SYNE1: variants seen among roughly 807,000 people sequenced by gnomAD.
SYNE1 encodes nesprin-1.
In SYNE1, 616 loss-of-function variants were observed where a neutral mutation model predicts 1,111.0. The observed-to-expected ratio is 0.55, with a 90% CI of 0.52 to 0.59. The LOEUF is 0.59. SYNE1 is among the 20% of genes least tolerant of loss of function. The pLI is 0.00. For missense variants in SYNE1, 10,006 were observed against 10,417.0 expected (o/e 0.96, Z 1.72); for synonymous variants, 3,855 against 3,825.8 (o/e 1.01, Z -0.28).
rs910942810 is a variant in SYNE1 at position 152,526,255 on chromosome 6, C to G, written c.130-80G>C. 7 of 1,423,678 alleles carry G rather than the reference C, an allele frequency of 4.9e-6. No homozygotes were observed. In the Admixed American group the frequency reaches 1.0e-4, roughly 21 times the overall value. The allele number at this position is 1,423,678 out of a possible 1,614,324, so 88.2% of individuals were successfully genotyped here. A position where few individuals can be genotyped will look rare whatever the true frequency, so the allele number is the denominator to read the frequency against. On this transcript the variant is annotated intron_variant, in intron 4 of 145. Transcript: ENST00000367255. ...CTCTTTCTCTCTCTCACCTTTGTTA[C>G]TTATGGTGGTGAAATTTGTAGGAGA...
At position 152,462,873 on chromosome 6, in the gene SYNE1, C is replaced by T. The variant is rs1175644823; in HGVS notation, c.2115G>A (p.Glu705=). The change falls in exon 20 of 146, where the codon GAG becomes GAA. Residue 705 remains glutamate (E), a synonymous_variant. Coordinates refer to ENST00000367255, the MANE Select transcript of SYNE1 (RefSeq NM_182961.4). The part of the protein sequence containing the change: ...MEVKQYAQAD[E]MDRMKKEYTD... The stretch of plus-strand genomic sequence containing the variant: ...TGTATTCCTTCTTCATTCTGTCCAT[C>T]TCATCAGCTTGAGCATACTGTTAAG... The T allele has an allele frequency of 6.2e-7, 1 of 1,613,894 alleles. No homozygotes were observed.
rs748404200 is a variant in SYNE1 at position 152,208,031 on chromosome 6, C to A, written c.22765G>T (p.Gly7589Cys). 1.2e-6 allele frequency: 2 copies of A among 1,614,154 alleles called. No homozygotes were observed. Residue 7589 changes from glycine to cysteine, a missense_variant, in exon 125 of 146, where the codon GGT (glycine) becomes TGT (cysteine). Around this residue, in one of 7 missense-constraint regions of SYNE1, gnomAD observed 2,182 missense variants for 2,287.8 expected, o/e 0.95. Coordinates refer to ENST00000367255, the MANE Select transcript of SYNE1 (RefSeq NM_182961.4). ...AGTGGTATAGGAACACTTCCGAGAC[C>A]ACTCATGGGGAGGTAGGACACTTCA... ...LVEVSYLPMS[G>C]LGSVPIPLQQ...
intron 11 of SYNE1, among the ~76,000 whole-genome samples, chr6:152,494,718 G>T (rs1036254651): frequency 2.6e-5 from 4 of 152,126 alleles, no homozygotes; most frequent in South Asian, 2.1e-4. Context: ...ACCATGCAAG[G>T]GTCCTCCATC....
At chr6:152,456,512 T>C (rs1050893652) in intron 22 of SYNE1, among the ~76,000 whole-genome samples, 32 of 151,746 alleles carry the variant, frequency 2.1e-4, no homozygotes, top group African/African-American at 6.0e-4. Context: ...ATATAGTATA[T>C]CCTAAATTTA....
chr6:152,541,928 T>C lies in SYNE1; in HGVS notation c.68-1907A>G, dbSNP rs138924528. On this transcript the variant is annotated intron_variant, in intron 3 of 145. Coordinates refer to ENST00000367255, the MANE Select transcript of SYNE1 (RefSeq NM_182961.4). Reference sequence around the variant, plus strand: ...TTTACTCATGTAACAAACCTAGACATGTAACCCCTGCACCTAAAATAAAAG... The same window carrying C: ...TTTACTCATGTAACAAACCTAGACACGTAACCCCTGCACCTAAAATAAAAG... Among the ~76,000 whole-genome samples, 8 of 151,240 alleles carry C rather than the reference T, an allele frequency of 5.3e-5. No individual in the cohort carries two copies. In the East Asian group the frequency reaches 1.6e-3, roughly 29 times the overall value.
At chr6:152,486,040 C>A (rs1196762540) in intron 12 of SYNE1, among the ~76,000 whole-genome samples, 1 of 151,832 alleles carries the variant, frequency 6.6e-6, no homozygotes, top group Admixed American at 6.6e-5. Flanking sequence ...ATTAAAAATA[C>A]AAAAATTAGC....
At chr6:152,274,603 T>C (rs941970003) in intron 98 of SYNE1, among the ~76,000 whole-genome samples, 3 of 152,162 alleles carry the variant, frequency 2.0e-5, no homozygotes, top group Admixed American at 6.5e-5. Context: ...TTTATTTACT[T>C]ATTCATTTTT....
chr6:152,587,473 A>G (rs945100279), intron 3 of SYNE1, among the ~76,000 whole-genome samples: 1 of 152,216 alleles, frequency 6.6e-6, no homozygotes, highest in Admixed American at 6.5e-5. Context: ...AAAGACCAAT[A>G]TTGGAGAAAA....
chr6:152,373,711 T>G (rs2097229133), intron 58 of SYNE1, among the ~76,000 whole-genome samples: 1 of 152,178 alleles, frequency 6.6e-6, no homozygotes, highest in Non-Finnish European at 1.5e-5. Context: ...CTGACTTGTC[T>G]CAAAAAGGTG....
rs2097954668 is a variant in SYNE1 at position 152,408,926 on chromosome 6, C to T, written c.6540+142G>A. 23 of 820,836 alleles carry T rather than the reference C, an allele frequency of 2.8e-5. No individual in the cohort carries two copies. In the East Asian group the frequency reaches 6.0e-4, roughly 22 times the overall value. The allele number at this position is 820,836 out of a possible 1,614,324, so 50.8% of individuals were successfully genotyped here. ...CTGAGATTGCGCCATTGCACTCCAG[C>T]CTGGGCAACAAGAGTGAAACTCTGT... On this transcript the variant is annotated intron_variant, in intron 44 of 145. Coordinates refer to ENST00000367255, the MANE Select transcript of SYNE1 (RefSeq NM_182961.4).
intron 78 of SYNE1, among the ~76,000 whole-genome samples, chr6:152,329,254 G>A (rs766084614): frequency 2.0e-5 from 3 of 152,188 alleles, no homozygotes; most frequent in African/African-American, 4.8e-5. Flanking sequence ...GGCCAGGCAC[G>A]GTGGCTCCCG....
chr6:152,343,748 A>G (rs1025016290), intron 74 of SYNE1, among the ~76,000 whole-genome samples: 1 of 151,792 alleles, frequency 6.6e-6, no homozygotes, highest in Middle Eastern at 3.4e-3. Context: ...TTATATTTTT[A>G]GTAGAGATGG....
chr6:152,210,287 G>C (rs2077298095), intron 124 of SYNE1, among the ~76,000 whole-genome samples: 1 of 152,058 alleles, frequency 6.6e-6, no homozygotes, highest in Non-Finnish European at 1.5e-5. Context: ...AAAGTTAATA[G>C]ATGCTGGCTT....
intron 91 of SYNE1, among the ~76,000 whole-genome samples, chr6:152,304,097 C>A (rs1216031011): frequency 6.6e-6 from 1 of 152,110 alleles, no homozygotes; most frequent in South Asian, 2.1e-4. Flanking sequence ...GCTTCTTTAC[C>A]TCTGGGGATG....
chr6:152,291,539 G>C (rs1222382929), intron 95 of SYNE1, among the ~76,000 whole-genome samples: 1 of 152,154 alleles, frequency 6.6e-6, no homozygotes, highest in Non-Finnish European at 1.5e-5. Flanking sequence ...TCATCATTTT[G>C]CTCCACATTC....
At chr6:152,510,427 C>G in intron 7 of SYNE1, 56 bp from the exon 8 acceptor site, 1 of 1,577,816 alleles carries the variant, frequency 6.3e-7, no homozygotes, top group Admixed American at 1.8e-5. Flanking sequence ...TTATTATTTC[C>G]TCAGATGTTT....
chr6:152,196,023 C>T (rs910032423), intron 127 of SYNE1, among the ~76,000 whole-genome samples: 1 of 152,216 alleles, frequency 6.6e-6, no homozygotes, highest in African/African-American at 2.4e-5. Flanking sequence ...CCTTCCCTGT[C>T]CCAGGCTGAG....
At chr6:152,532,296 C>T (rs2099206903) in intron 4 of SYNE1, among the ~76,000 whole-genome samples, 1 of 152,102 alleles carries the variant, frequency 6.6e-6, no homozygotes, top group African/African-American at 2.4e-5. Flanking sequence ...ACACCAGGAC[C>T]ATCTAGGACC....
chr6:152,131,058 G>A (rs1424585682), intron 144 of SYNE1, among the ~76,000 whole-genome samples: 1 of 152,130 alleles, frequency 6.6e-6, no homozygotes, highest in African/African-American at 2.4e-5. Flanking sequence ...AGAAACACAT[G>A]TGTATATTTA....
Sources: allele counts gnomAD v4.1 joint callset (sites outside exome capture counted in the v4.1 genomes callset), GRCh38; gene constraint gnomAD v4.1.1; regional missense constraint gnomAD v4.1.1; transcripts MANE v1.5; gene names NCBI Gene and HGNC (gene_info 2026-07-23, HGNC 2026-07-21).